SLC2A9: variants seen among roughly 807,000 people sequenced by gnomAD.
SLC2A9 encodes solute carrier family 2, facilitated glucose transporter member 9.
Under a neutral mutation model 50.6 loss-of-function variants are expected in SLC2A9, and 39 were observed. That is an observed-to-expected ratio of 0.77 (90% CI 0.60 to 1.01). The LOEUF is 1.01. Ranked by LOEUF, SLC2A9 falls within the 50% of genes least tolerant of loss-of-function variation. SLC2A9 has a pLI of 0.00. For missense variants in SLC2A9, 686 were observed against 677.6 expected, an observed-to-expected ratio of 1.01 and a Z score of -0.14; for synonymous variants, 324 against 276.9, an observed-to-expected ratio of 1.17 and a Z score of -1.69.
chr4:9,933,958 T>C (rs1179646684), intron 6 of SLC2A9, among the ~76,000 whole-genome samples: 3 of 152,164 alleles, frequency 2.0e-5, no homozygotes. Flanking sequence ...ATAAGAACCC[T>C]TGTGATTGCA....
intron 10 of SLC2A9, among the ~76,000 whole-genome samples, chr4:9,849,924 G>A (rs569414028): frequency 1.2e-4 from 19 of 152,146 alleles, no homozygotes; most frequent in Non-Finnish European, 2.6e-4. Context: ...ATGGTGCTGG[G>A]AGGGGGTGTT....
intron 8 of SLC2A9, among the ~76,000 whole-genome samples, chr4:9,894,574 T>C (rs1738162878): frequency 6.6e-6 from 1 of 152,238 alleles, no homozygotes. Context: ...TATGTCTTTA[T>C]TCTTTCCAAA....
intron 6 of SLC2A9, among the ~76,000 whole-genome samples, chr4:9,926,850 C>A (rs947788152): frequency 6.6e-6 from 1 of 152,062 alleles, no homozygotes; most frequent in African/African-American, 2.4e-5. Context: ...GATAGATACA[C>A]ACAGGGAAGG....
At chr4:9,847,686 C>G (rs1316061497) in intron 10 of SLC2A9, among the ~76,000 whole-genome samples, 1 of 152,196 alleles carries the variant, frequency 6.6e-6, no homozygotes, top group Admixed American at 6.5e-5. Flanking sequence ...TCAAGAAAAC[C>G]AGCCCTGAGC....
intron 6 of SLC2A9, among the ~76,000 whole-genome samples, chr4:9,921,275 A>G (rs1396908026): frequency 1.3e-5 from 2 of 152,196 alleles, no homozygotes; most frequent in African/African-American, 2.4e-5. Flanking sequence ...GAACACTGCA[A>G]ACTTCCAGCC....
At chr4:9,921,715 C>A (rs1560308475) in intron 6 of SLC2A9, among the ~76,000 whole-genome samples, 1 of 152,200 alleles carries the variant, frequency 6.6e-6, no homozygotes, top group Admixed American at 6.5e-5. Flanking sequence ...CTCTCCCCAG[C>A]ATTTATTAAG....
intron 10 of SLC2A9, among the ~76,000 whole-genome samples, chr4:9,878,145 C>T (rs937566769): frequency 6.6e-5 from 10 of 150,564 alleles, no homozygotes; most frequent in African/African-American, 1.2e-4. Flanking sequence ...CACACACACA[C>T]ATATATATAT....
rs1737616512 is a variant in SLC2A9, at chr4:9,892,247, G to A, written c.1114-1536C>T. On this transcript the variant is annotated intron_variant, in intron 8 of 11. Transcript: ENST00000264784. The stretch of plus-strand genomic sequence containing the variant: ...CCCCGGCCATGTAGTGCTGCCTGGG[G>A]CCATGGACCTCTCAGTCACCTGGGC... Among the ~76,000 whole-genome samples, 3 of 152,354 alleles carry A rather than the reference G, an allele frequency of 2.0e-5. No individual in the cohort carries two copies. In the South Asian group the frequency reaches 6.2e-4, roughly 32 times the overall value.
chr4:9,833,135 C>T (rs1726449169), intron 11 of SLC2A9, among the ~76,000 whole-genome samples: 1 of 152,192 alleles, frequency 6.6e-6, no homozygotes, highest in Non-Finnish European at 1.5e-5. Flanking sequence ...TGTAAAAAGC[C>T]ACTTAAGGTT....
At chr4:9,792,553 G>C (rs1239353568) in intron 3 of SLC2A9, among the ~76,000 whole-genome samples, 3 of 150,042 alleles carry the variant, frequency 2.0e-5, no homozygotes, top group African/African-American at 7.5e-5. Context: ...AGTTTGTATA[G>C]AGTGAGTAAT....
chr4:9,964,824 C>T (rs537523226), intron 5 of SLC2A9, among the ~76,000 whole-genome samples: 23 of 152,256 alleles, frequency 1.5e-4, no homozygotes, highest in Middle Eastern at 6.8e-3. Context: ...GGGGACAGCC[C>T]TCTTGCCTCT....
At chr4:9,917,148 G>C (rs777006350) in intron 7 of SLC2A9, among the ~76,000 whole-genome samples, 1 of 152,024 alleles carries the variant, frequency 6.6e-6, no homozygotes, top group Non-Finnish European at 1.5e-5. Flanking sequence ...CAAACTGCTC[G>C]AAAGGAAGGC....
intron 3 of SLC2A9, among the ~76,000 whole-genome samples, chr4:9,819,460 C>T (rs1021808503): frequency 3.9e-5 from 6 of 152,282 alleles, no homozygotes; most frequent in Admixed American, 3.3e-4. Flanking sequence ...TGCTTATTTG[C>T]CATTTGTATA....
At chr4:9,910,488 A>T (rs1458756460) in intron 7 of SLC2A9, among the ~76,000 whole-genome samples, 3 of 152,210 alleles carry the variant, frequency 2.0e-5, no homozygotes, top group Admixed American at 2.0e-4. Context: ...TCATCAGCCA[A>T]ATTCACTGAT....
chr4:9,781,352 C>A (rs1166886777), intron 3 of SLC2A9, among the ~76,000 whole-genome samples: 1 of 152,254 alleles, frequency 6.6e-6, no homozygotes, highest in Admixed American at 6.5e-5. Context: ...GCCCTCGCGT[C>A]CTCATCCTTA....
chr4:9,986,558 C>G (rs1226245507), intron 3 of SLC2A9, among the ~76,000 whole-genome samples: 2 of 152,164 alleles, frequency 1.3e-5, no homozygotes, highest in African/African-American at 2.4e-5. Context: ...GCTTGACAAC[C>G]AGCATAGCGT....
intron 3 of SLC2A9, chr4:9,783,751 G>C (rs759989601): frequency 2.8e-4 from 88 of 313,558 alleles, no homozygotes; most frequent in Non-Finnish European, 4.7e-4. Context: ...ATGATACTTG[G>C]TCCTTAAAAA....
chr4:9,802,266 CTCTTT>C (rs1721520466), intron 3 of SLC2A9, among the ~76,000 whole-genome samples: 2 of 118,952 alleles, frequency 1.7e-5, no homozygotes, highest in Admixed American at 8.2e-5. Flanking sequence ...CTGAAAAATG[CTCTTT>C]TTTTTTTTTT....
chr4:9,820,107 T>C (rs934362227), intron 3 of SLC2A9, among the ~76,000 whole-genome samples: 4 of 152,286 alleles, frequency 2.6e-5, no homozygotes, highest in Non-Finnish European at 5.9e-5. Flanking sequence ...AAACTTTTTC[T>C]AATTTTATGT....
Sources: allele counts gnomAD v4.1 joint callset (sites outside exome capture counted in the v4.1 genomes callset), GRCh38; gene constraint gnomAD v4.1.1; transcripts MANE v1.5; gene names NCBI Gene and HGNC (gene_info 2026-07-23, HGNC 2026-07-21).